SELP: variants seen among roughly 807,000 people sequenced by gnomAD.
SELP encodes the protein selectin P.
SELP carries 92 observed loss-of-function variants against 104.1 expected under a neutral mutation model. That is an observed-to-expected ratio of 0.88 (90% CI 0.75 to 1.05). The LOEUF is 1.05. Ranked by LOEUF, SELP falls within the 50% of genes least tolerant of loss-of-function variation. The probability of loss-of-function intolerance (pLI) is 0.00; values close to 1 mark genes in which losing one functional copy is unlikely to be tolerated. For synonymous variants in SELP, 397 were observed against 364.5 expected, an observed-to-expected ratio of 1.09 and a Z score of -1.01; for missense variants, 1,022 against 1,017.3, an observed-to-expected ratio of 1.00 and a Z score of -0.06.
rs1339089177 is a variant in SELP at position 169,609,675 on chromosome 1, G to T, written c.1162C>A (p.Pro388Thr). 1.9e-6 allele frequency: 3 copies of T among 1,611,414 alleles called. No individual in the cohort carries two copies. The highest frequency in any genetic ancestry group is 2.5e-6 in the Non-Finnish European group (3 of 1,178,784). ...LPTCEAISCE[P>T]LESPVHGSMD... Reference sequence around the variant, plus strand: ...CTTCCGTGGACAGGACTCTCCAGCGGCTCACACGAAATAGCTAAGTGGAAA... The same window carrying T: ...CTTCCGTGGACAGGACTCTCCAGCGTCTCACACGAAATAGCTAAGTGGAAA... Residue 388 changes from proline (P) to threonine (T), a missense_variant, in exon 8 of 17, where the codon CCG (proline) becomes ACG (threonine). By Grantham distance (38) the Pro-to-Thr change is conservative. Transcript: ENST00000263686.
intron 14 of SELP, among the ~76,000 whole-genome samples, chr1:169,592,058 A>T (rs1661378963): frequency 1.3e-5 from 2 of 152,198 alleles, no homozygotes; most frequent in Admixed American, 6.5e-5. Context: ...TCAAAGTCAA[A>T]GAAAGGACTT....
At chr1:169,626,964 G>A (rs76095830) in intron 1 of SELP, among the ~76,000 whole-genome samples, 2,630 of 152,126 alleles carry the variant, frequency 0.017, 24 homozygotes, top group Non-Finnish European at 0.027. Flanking sequence ...TGATATTATA[G>A]GGGTGAGAGT....
chr1:169,610,122 A>T (rs1322753827), intron 7 of SELP, among the ~76,000 whole-genome samples: 2 of 151,912 alleles, frequency 1.3e-5, no homozygotes, highest in Non-Finnish European at 2.9e-5. Flanking sequence ...AAATATTGAC[A>T]TTATCTGTGA....
chr1:169,612,197 C>G lies in SELP; in HGVS notation c.961+20G>C, dbSNP rs772545134. 6.2e-7 allele frequency: 1 copy of G among 1,611,432 alleles called. No individual in the cohort carries two copies. The highest frequency in any genetic ancestry group is 8.5e-7 in the Non-Finnish European group (1 of 1,178,660). On this transcript the variant is annotated intron_variant, in intron 6 of 16. Coordinates refer to ENST00000263686, the MANE Select transcript of SELP (RefSeq NM_003005.4). Reference sequence around the variant, plus strand: ...ACTGGGTGCAATGGACATTATACATCCCAACTACCTGAAACTCACCTTTAC... The same window carrying G: ...ACTGGGTGCAATGGACATTATACATGCCAACTACCTGAAACTCACCTTTAC...
intron 11 of SELP, 61 bp downstream of exon 11, chr1:169,596,930 G>T (rs1346172401): frequency 1.1e-5 from 16 of 1,455,698 alleles, no homozygotes; most frequent in Non-Finnish European, 1.4e-5. Flanking sequence ...CTAGATAATT[G>T]TTTGTTGTTG....
chr1:169,613,575 G>T lies in SELP; in HGVS notation c.589+11C>A, dbSNP rs750083855. ...AAAACCAAAATAATATCAACAAAAA[G>T]GAAGCCTCACCGTATTCACATTCTG... is the stretch of plus-strand genomic sequence containing the variant. On this transcript the variant is annotated intron_variant, in intron 4 of 16. Transcript: ENST00000263686. 3 of 1,602,444 alleles carry T rather than the reference G, an allele frequency of 1.9e-6. No individual in the cohort carries two copies. Among genetic ancestry groups the T allele is most frequent in the African/African-American group, 2.7e-5 (2 of 74,680 alleles).
intron 8 of SELP, among the ~76,000 whole-genome samples, chr1:169,608,155 T>G (rs997924959): frequency 6.6e-6 from 1 of 151,860 alleles, no homozygotes; most frequent in South Asian, 2.1e-4. Flanking sequence ...TTCTTTTTTT[T>G]TTTTTTTGCT....
rs765482358 is a variant in SELP, at chr1:169,617,420, G to A, written c.95-6C>T. The A allele has an allele frequency of 1.2e-6, 2 of 1,612,152 alleles. No homozygotes were observed. The highest frequency in any genetic ancestry group is 2.2e-5 in the South Asian group (2 of 90,928). ...TTCTTTCTGGTTTGTTAGTTCTAGA[G>A]TAAAGGAGAGTGAGTGCCAGGTTAG... On this transcript the variant is annotated splice_region_variant and splice_polypyrimidine_tract_variant and intron_variant, in intron 2 of 16. Coordinates refer to ENST00000263686, the MANE Select transcript of SELP (RefSeq NM_003005.4).
chr1:169,607,027 C>A lies in SELP; in HGVS notation c.1441G>T (p.Gly481Cys). ...ACACTTGCTCCCACCAGGAGCAAGC[C>A]TTCATTGCAGGTGAAGCTGCAGACT... The part of the protein sequence containing the change: ...QSVCSFTCNE[G>C]LLLVGASVLQ... Residue 481 changes from glycine (G) to cysteine (C), a missense_variant, in exon 9 of 17, where the codon GGC becomes TGC. By Grantham distance (159) the Gly-to-Cys change is radical. Transcript: ENST00000263686. The A allele has an allele frequency of 6.2e-7, 1 of 1,613,744 alleles. No homozygotes were observed.
chr1:169,605,831 T>C (rs1662163393), intron 9 of SELP, among the ~76,000 whole-genome samples: 1 of 152,174 alleles, frequency 6.6e-6, no homozygotes, highest in Admixed American at 6.5e-5. Flanking sequence ...TTTTTATAAA[T>C]GAAAATCTTG....
chr1:169,599,052 C>A (rs758100464), intron 10 of SELP, among the ~76,000 whole-genome samples: 5 of 152,124 alleles, frequency 3.3e-5, no homozygotes, highest in African/African-American at 1.2e-4. Flanking sequence ...TTATAAAAGT[C>A]TCTGAACTCT....
chr1:169,620,022 G>A (rs1250277028), intron 1 of SELP, among the ~76,000 whole-genome samples: 1 of 152,008 alleles, frequency 6.6e-6, no homozygotes, highest in African/African-American at 2.4e-5. Flanking sequence ...CCAACATAGT[G>A]AAACCCTGTC....
chr1:169,603,325 G>A (rs972489417), intron 9 of SELP, 114 bp from the exon 10 acceptor site: 7 of 706,002 alleles, frequency 9.9e-6, no homozygotes, highest in Admixed American at 3.0e-5. Context: ...GTGTGTGTGT[G>A]TGTGTGTGTG....
chr1:169,590,154 A>G lies in SELP; in HGVS notation c.2487T>C (p.Ser829=), dbSNP rs1234016212. The G allele has an allele frequency of 1.2e-6, 2 of 1,610,538 alleles. No individual in the cohort carries two copies. Among genetic ancestry groups the G allele is most frequent in the East Asian group, 2.2e-5 (1 of 44,836 alleles). The part of the protein sequence containing the change: ...GVFTNAAFDP[S]P ...TCTTTATAGGGATCTTACCTTAAGG[A>G]CTCGGGTCAAATGCAGCGTTTGTAA... Residue 829 remains serine (S), a synonymous_variant, in exon 16 of 17, where the codon AGT becomes AGC. Coordinates refer to ENST00000263686, the MANE Select transcript of SELP (RefSeq NM_003005.4).
intron 1 of SELP, among the ~76,000 whole-genome samples, chr1:169,620,947 TTCTGTGTGTGTG>T (rs1663081170): frequency 4.2e-5 from 3 of 71,420 alleles, no homozygotes; most frequent in Non-Finnish European, 5.7e-5. Flanking sequence ...CAGTGTGGGG[TTCTGTGTGTGTG>T]TGTGTGTGTG....
At position 169,590,208 on chromosome 1, in the gene SELP, G is replaced by A. The variant is rs751582733; in HGVS notation, c.2439-6C>T. 7.5e-6 allele frequency: 12 copies of A among 1,610,638 alleles called. No homozygotes were observed. The highest frequency in any genetic ancestry group is 2.2e-5 in the South Asian group (2 of 90,992). On this transcript the variant is annotated splice_polypyrimidine_tract_variant and splice_region_variant and intron_variant, in intron 15 of 16. Coordinates refer to ENST00000263686, the MANE Select transcript of SELP (RefSeq NM_003005.4). The stretch of plus-strand genomic sequence containing the variant: ...CTCCATATGTTCCTAGGTGGCTAAA[G>A]AACAGAAACACAAGGATGGCAACAA...
chr1:169,615,452 T>C (rs1287033035), intron 3 of SELP, among the ~76,000 whole-genome samples: 2 of 152,200 alleles, frequency 1.3e-5, no homozygotes, highest in Non-Finnish European at 2.9e-5. Flanking sequence ...CTTTTTTCTA[T>C]CTTGCAATTT....
intron 10 of SELP, 141 bp from the exon 11 acceptor site, chr1:169,597,317 A>G: frequency 1.5e-6 from 1 of 670,636 alleles, no homozygotes; most frequent in Non-Finnish European, 2.4e-6. Flanking sequence ...GCAGCATTCC[A>G]CAACATATCA....
chr1:169,602,758 T>C lies in SELP; in HGVS notation c.1705+268A>G, dbSNP rs146780562. 5.9e-3 allele frequency among the ~76,000 whole-genome samples: 895 copies of C among 152,234 alleles called. 18 individuals carry two copies. The highest frequency in any genetic ancestry group is 0.02 in the African/African-American group (840 of 41,548). ...TCCCGAGTAGCTGGGACTACAGGCA[T>C]GCACCACCATGCCCAGCTATTTTTT... On this transcript the variant is annotated intron_variant, in intron 10 of 16. Coordinates refer to ENST00000263686, the MANE Select transcript of SELP (RefSeq NM_003005.4).
Sources: allele counts gnomAD v4.1 joint callset (sites outside exome capture counted in the v4.1 genomes callset), GRCh38; gene constraint gnomAD v4.1.1; transcripts MANE v1.5; gene names NCBI Gene and HGNC (gene_info 2026-07-23, HGNC 2026-07-21).